The following GLIS1 variants were observed in gnomAD, a reference collection of about 807,000 sequenced individuals.
GLIS1 encodes the protein zinc finger protein GLIS1.
Under a neutral mutation model 63.8 loss-of-function variants are expected in GLIS1, and 24 were observed. The ratio of observed to expected loss-of-function variants is 0.38; its 90% CI spans 0.27 to 0.53. The LOEUF is 0.53. GLIS1 is among the 20% of genes least tolerant of loss of function. The probability of loss-of-function intolerance (pLI) is 0.85; values close to 1 mark genes in which losing one functional copy is unlikely to be tolerated. For missense variants in GLIS1, 1,036 were observed against 1,074.1 expected (o/e 0.96, Z 0.50); for synonymous variants, 450 against 482.5 (o/e 0.93, Z 0.88).
intron 2 of GLIS1, among the ~76,000 whole-genome samples, chr1:53,677,968 C>T (rs976422408): frequency 1.1e-4 from 16 of 152,136 alleles, no homozygotes; most frequent in Admixed American, 3.3e-4. Context: ...AGAGCTGTGG[C>T]GAGAATAAGA....
At chr1:53,662,481 T>G (rs981490709) in intron 2 of GLIS1, among the ~76,000 whole-genome samples, 6 of 152,152 alleles carry the variant, frequency 3.9e-5, no homozygotes, top group Non-Finnish European at 8.8e-5. Context: ...GCAAGGATGA[T>G]GATGATGAGG....
chr1:53,693,233 G>A (rs752961358), intron 2 of GLIS1, among the ~76,000 whole-genome samples: 3 of 152,178 alleles, frequency 2.0e-5, no homozygotes, highest in Non-Finnish European at 2.9e-5. Context: ...GGAAACTGAC[G>A]CAGAGAAGGG....
At chr1:53,621,605 T>A (rs1645543227) in intron 2 of GLIS1, among the ~76,000 whole-genome samples, 1 of 151,986 alleles carries the variant, frequency 6.6e-6, no homozygotes, top group African/African-American at 2.4e-5. Flanking sequence ...ACTTGTTTAT[T>A]TTAACCATTT....
At chr1:53,581,302 T>C (rs1020900811) in intron 4 of GLIS1, among the ~76,000 whole-genome samples, 6 of 152,172 alleles carry the variant, frequency 3.9e-5, no homozygotes, top group Non-Finnish European at 7.3e-5. Flanking sequence ...ACAGCAACCG[T>C]GCAGCCCTCA....
intron 2 of GLIS1, among the ~76,000 whole-genome samples, chr1:53,665,290 T>A (rs959193442): frequency 5.9e-5 from 9 of 151,884 alleles, no homozygotes; most frequent in Non-Finnish European, 1.2e-4. Context: ...GGGCAACTAG[T>A]AGGAACATGG....
At chr1:53,648,934 G>A (rs1408169773) in intron 2 of GLIS1, among the ~76,000 whole-genome samples, 6 of 152,174 alleles carry the variant, frequency 3.9e-5, no homozygotes, top group Non-Finnish European at 7.3e-5. Flanking sequence ...GATATTCATC[G>A]AATTACATAC....
intron 4 of GLIS1, among the ~76,000 whole-genome samples, chr1:53,557,612 C>T: frequency 6.6e-6 from 1 of 152,156 alleles, no homozygotes. Context: ...GGCCCCCTGA[C>T]CTCATCAGGT....
intron 2 of GLIS1, among the ~76,000 whole-genome samples, chr1:53,606,157 C>T (rs1326144784): frequency 6.6e-6 from 1 of 152,212 alleles, no homozygotes; most frequent in Non-Finnish European, 1.5e-5. Context: ...TGGCATGGTG[C>T]CTGGCACAGG....
chr1:53,510,490 G>A (rs1644288196), intron 8 of GLIS1, among the ~76,000 whole-genome samples: 1 of 152,180 alleles, frequency 6.6e-6, no homozygotes, highest in Non-Finnish European at 1.5e-5. Flanking sequence ...GCAGCCCATG[G>A]CACTCACAGT....
chr1:53,521,187 C>T (rs989688812), intron 6 of GLIS1, among the ~76,000 whole-genome samples: 2 of 152,152 alleles, frequency 1.3e-5, no homozygotes, highest in African/African-American at 4.8e-5. Flanking sequence ...AGTGTCCCTG[C>T]TGGGCCTGCC....
At position 53,633,527 on chromosome 1, in the gene GLIS1, G is replaced by A. The variant is rs981672766; in HGVS notation, c.260-33249C>T. On this transcript the variant is annotated intron_variant, in intron 2 of 10. Transcript: ENST00000628545. The stretch of plus-strand genomic sequence containing the variant: ...GTGTGAATGAGTGTGACTGAAGTGC[G>A]TGTGAATGTGTGTGACGGGGGACCA... 1.3e-4 allele frequency among the ~76,000 whole-genome samples: 20 copies of A among 152,052 alleles called. 1 individual carries two copies. Among genetic ancestry groups the A allele is most frequent in the South Asian group, 1.0e-3 (5 of 4,820 alleles).
intron 2 of GLIS1, among the ~76,000 whole-genome samples, chr1:53,645,144 T>C (rs1339167020): frequency 6.6e-6 from 1 of 152,192 alleles, no homozygotes; most frequent in African/African-American, 2.4e-5. Flanking sequence ...ACTTTGCAAT[T>C]GATGTGTGCG....
At chr1:53,522,990 T>TTC (rs1553120136) in intron 6 of GLIS1, among the ~76,000 whole-genome samples, 71 of 130,738 alleles carry the variant, frequency 5.4e-4, no homozygotes, top group South Asian at 2.7e-3. Flanking sequence ...TTCTTTCTTT[T>TTC]TTTTTTTTTT....
Position 53,519,327 on chromosome 1 carries a change from G to A in GLIS1, c.1726+1307C>T, listed in dbSNP as rs141965974. 1.8e-3 allele frequency among the ~76,000 whole-genome samples: 269 copies of A among 152,322 alleles called. 2 individuals are homozygous for A. The highest frequency in any genetic ancestry group is 6.2e-3 in the African/African-American group (258 of 41,572). ...CTGAGCACAAACCCCTGGAAAGGGG[G>A]ACCCATGAGAAAGGCTAAAAGGCTT... On this transcript the variant is annotated intron_variant, in intron 7 of 10. Coordinates refer to ENST00000628545, the MANE Select transcript of GLIS1 (RefSeq NM_001367484.1).
At chr1:53,556,800 C>T (rs1474967964) in intron 4 of GLIS1, among the ~76,000 whole-genome samples, 1 of 137,112 alleles carries the variant, frequency 7.3e-6, no homozygotes, top group African/African-American at 2.8e-5. Context: ...TGTATGTGTG[C>T]AGGTATACTG....
At chr1:53,679,869 G>A (rs559648643) in intron 2 of GLIS1, among the ~76,000 whole-genome samples, 20 of 152,322 alleles carry the variant, frequency 1.3e-4, no homozygotes, top group African/African-American at 4.6e-4. Flanking sequence ...CTTGTAAAGA[G>A]GATACTTAGA....
chr1:53,540,988 G>A (rs1477658868), intron 4 of GLIS1, among the ~76,000 whole-genome samples: 4 of 152,224 alleles, frequency 2.6e-5, no homozygotes, highest in African/African-American at 9.7e-5. Context: ...GAAATGTCCC[G>A]TGAGGCCTGA....
chr1:53,520,775 C>G lies in GLIS1; in HGVS notation c.1594-9G>C, dbSNP rs1644400513. Reference sequence around the variant, plus strand: ...TCAGGGCCCGCATGCAGCTGGGGAGCAAGCAGAGGGAAAGGAGGTGTTAGT... The same window carrying G: ...TCAGGGCCCGCATGCAGCTGGGGAGGAAGCAGAGGGAAAGGAGGTGTTAGT... On this transcript the variant is annotated splice_polypyrimidine_tract_variant and intron_variant, in intron 6 of 10. Coordinates refer to ENST00000628545, the MANE Select transcript of GLIS1 (RefSeq NM_001367484.1). 1.9e-6 allele frequency: 3 copies of G among 1,598,918 alleles called. No individual in the cohort carries two copies. The highest frequency in any genetic ancestry group is 1.1e-5 in the South Asian group (1 of 88,332).
At chr1:53,691,686 G>C (rs1646407458) in intron 2 of GLIS1, among the ~76,000 whole-genome samples, 1 of 152,104 alleles carries the variant, frequency 6.6e-6, no homozygotes, top group South Asian at 2.1e-4. Flanking sequence ...TCATACACTG[G>C]CCGAGCTTCG....
Sources: gnomAD v4.1 joint callset for allele counts (sites outside exome capture counted in the v4.1 genomes callset) on GRCh38, gnomAD v4.1.1 for gene constraint, MANE v1.5 for transcripts, NCBI Gene and HGNC (gene_info 2026-07-23, HGNC 2026-07-21) for gene names.